Variants in SLC35F2 observed in about 807,000 individuals in gnomAD.
The protein encoded by SLC35F2 is queuine/queuosine transporter SLC35F2.
In SLC35F2, 25 loss-of-function variants were observed where a neutral mutation model predicts 38.1. The observed-to-expected ratio is 0.66, with a 90% CI of 0.48 to 0.92. The LOEUF (loss-of-function observed/expected upper bound fraction) is 0.92. Ranked by LOEUF, SLC35F2 falls within the 40% of genes least tolerant of loss-of-function variation. The pLI is 0.00. For missense variants in SLC35F2, 409 were observed against 452.9 expected, an observed-to-expected ratio of 0.90 and a Z score of 0.88; for synonymous variants, 173 against 181.7, an observed-to-expected ratio of 0.95 and a Z score of 0.38.
chr11:107,855,517 T>C (rs1860263341), intron 1 of SLC35F2, among the ~76,000 whole-genome samples: 1 of 151,924 alleles, frequency 6.6e-6, no homozygotes, highest in Non-Finnish European at 1.5e-5. Flanking sequence ...CCAGGTGTGG[T>C]GGTGCATGCC....
At chr11:107,847,545 A>G (rs1380677414) in intron 1 of SLC35F2, among the ~76,000 whole-genome samples, 2 of 152,204 alleles carry the variant, frequency 1.3e-5, no homozygotes. Context: ...GATCTGTGCC[A>G]GGCATAAAGT....
intron 3 of SLC35F2, chr11:107,810,979 TA>T (rs780630388): frequency 4.1e-6 from 4 of 983,594 alleles, no homozygotes; most frequent in Non-Finnish European, 4.8e-6. Flanking sequence ...AAAAAAAAGT[TA>T]TAAACAAACT....
At chr11:107,812,207 T>C (rs1269707349) in intron 2 of SLC35F2, among the ~76,000 whole-genome samples, 1 of 152,068 alleles carries the variant, frequency 6.6e-6, no homozygotes, top group East Asian at 1.9e-4. Context: ...CGCCTGGCTA[T>C]TGTGTATTTC....
At chr11:107,833,661 CTT>C in intron 1 of SLC35F2, among the ~76,000 whole-genome samples, 1 of 152,250 alleles carries the variant, frequency 6.6e-6, no homozygotes, top group Non-Finnish European at 1.5e-5. Context: ...CTACATGACT[CTT>C]GTTAAAATTG....
intron 1 of SLC35F2, among the ~76,000 whole-genome samples, chr11:107,855,342 C>A (rs2134869417): frequency 6.6e-6 from 1 of 152,248 alleles, no homozygotes; most frequent in East Asian, 1.9e-4. Flanking sequence ...GAAAAAGACA[C>A]CATTTTTGCT....
intron 1 of SLC35F2, among the ~76,000 whole-genome samples, chr11:107,851,547 G>C (rs2134862833): frequency 6.7e-6 from 1 of 148,990 alleles, no homozygotes; most frequent in Middle Eastern, 3.4e-3. Context: ...AACATGACTG[G>C]GTCACAAACA....
intron 1 of SLC35F2, among the ~76,000 whole-genome samples, chr11:107,856,086 C>T (rs1591214687): frequency 2.4e-5 from 2 of 83,432 alleles, no homozygotes; most frequent in African/African-American, 1.0e-4. Context: ...GCCTGGGCAA[C>T]AAGAGCAAAA....
chr11:107,811,729 C>T lies in SLC35F2; in HGVS notation c.352G>A (p.Asp118Asn). 1 of 1,613,728 alleles carries T rather than the reference C, an allele frequency of 6.2e-7. No individual in the cohort carries two copies. Among genetic ancestry groups the T allele is most frequent in the Non-Finnish European group, 8.5e-7 (1 of 1,179,648 alleles). Residue 118 changes from aspartate (D) to asparagine (N), a missense_variant, in exon 3 of 8, where the codon GAT (aspartate) becomes AAT (asparagine). Transcript: ENST00000525815. ...WWKYILLGLA[D>N]VEANYVIVRA... is the part of the protein sequence containing the mutation. ...ACGATCACATAATTAGCTTCCACAT[C>T]TGCTAGTCCCAGCAGGATGTACTTC...
intron 2 of SLC35F2, among the ~76,000 whole-genome samples, chr11:107,814,846 C>T (rs563414614): frequency 6.6e-5 from 10 of 152,204 alleles, no homozygotes; most frequent in African/African-American, 2.4e-4. Flanking sequence ...GCCTATAATC[C>T]CAGCACTCTG....
intron 1 of SLC35F2, among the ~76,000 whole-genome samples, chr11:107,850,098 A>G (rs1254340902): frequency 2.0e-5 from 3 of 152,340 alleles, no homozygotes; most frequent in Admixed American, 1.3e-4. Flanking sequence ...CTTAATGGAC[A>G]GTCACTGAAC....
intron 1 of SLC35F2, chr11:107,823,845 C>G (rs1252654711): frequency 3.8e-6 from 1 of 265,676 alleles, no homozygotes; most frequent in Non-Finnish European, 5.7e-6. Context: ...AAGAGAATCA[C>G]TTGAACCCAG....
At chr11:107,834,736 A>G (rs1565437984) in intron 1 of SLC35F2, among the ~76,000 whole-genome samples, 1 of 152,220 alleles carries the variant, frequency 6.6e-6, no homozygotes. Context: ...ATTTCTCTCT[A>G]TAAATGCCCA....
chr11:107,803,887 G>A (rs1463982588), intron 6 of SLC35F2, among the ~76,000 whole-genome samples: 10 of 151,836 alleles, frequency 6.6e-5, no homozygotes, highest in Admixed American at 5.3e-4. Flanking sequence ...GTGCAGTGGC[G>A]CAATCTCAGC....
intron 1 of SLC35F2, among the ~76,000 whole-genome samples, chr11:107,837,210 T>C (rs1859942970): frequency 6.6e-6 from 1 of 152,220 alleles, no homozygotes; most frequent in South Asian, 2.1e-4. Flanking sequence ...GACAGGGAAG[T>C]GCTAGCCACT....
intron 1 of SLC35F2, among the ~76,000 whole-genome samples, chr11:107,816,642 G>A (rs1859579019): frequency 6.6e-6 from 1 of 151,998 alleles, no homozygotes; most frequent in African/African-American, 2.4e-5. Context: ...GACTGAGACA[G>A]AAGAGGCTAA....
intron 1 of SLC35F2, among the ~76,000 whole-genome samples, chr11:107,834,198 T>C (rs1859894442): frequency 6.6e-6 from 1 of 152,198 alleles, no homozygotes; most frequent in African/African-American, 2.4e-5. Flanking sequence ...TTGGAGTTTG[T>C]CCGGCTTTCC....
In SLC35F2 at chr11:107,811,777, C is replaced by T. The variant is rs1859484289; in HGVS notation, c.304G>A (p.Val102Ile). ...TTCCACCATTTTCTTTTCAAGATTA[C>T]TAAAAGGTTATCACTGCCTGGTTGA... ...AFRSGSDNLL[V>I]ILKRKWWKYI... Residue 102 changes from valine to isoleucine, a missense_variant, in exon 3 of 8, where the codon GTA becomes ATA. Val to Ile is a conservative substitution (Grantham distance 29). Transcript: ENST00000525815. The T allele has an allele frequency of 6.2e-7, 1 of 1,613,850 alleles. No homozygotes were observed. The highest frequency in any genetic ancestry group is 2.2e-5 in the East Asian group (1 of 44,872).
chr11:107,797,719 C>T lies in SLC35F2; in HGVS notation c.940-4919G>A, dbSNP rs527630692. On this transcript the variant is annotated intron_variant, in intron 7 of 7. Transcript: ENST00000525815. ...TTCTTAACGTTAAACCTTAAGAATTCCTTAAGGAATGTAATAGCCACAGCC... is the reference window on the plus strand; with the variant it reads ...TTCTTAACGTTAAACCTTAAGAATTTCTTAAGGAATGTAATAGCCACAGCC... 2.0e-5 allele frequency among the ~76,000 whole-genome samples: 3 copies of T among 152,174 alleles called. No homozygotes were observed. In the South Asian group the frequency reaches 6.2e-4, roughly 32 times the overall value.
chr11:107,850,397 C>T (rs1860160608), intron 1 of SLC35F2, among the ~76,000 whole-genome samples: 2 of 152,086 alleles, frequency 1.3e-5, no homozygotes, highest in Admixed American at 1.3e-4. Context: ...TGATTTTTGT[C>T]CCCGAGAAGA....
Sources: allele counts gnomAD v4.1 joint callset (sites outside exome capture counted in the v4.1 genomes callset), GRCh38; gene constraint gnomAD v4.1.1; transcripts MANE v1.5; gene names NCBI Gene and HGNC (gene_info 2026-07-23, HGNC 2026-07-21).